Variants in SORCS1 observed in about 807,000 individuals in gnomAD.
The protein encoded by SORCS1 is VPS10 domain-containing receptor SorCS1.
A neutral mutation model predicts 146.1 loss-of-function variants in SORCS1; 60 were observed. That is an observed-to-expected ratio of 0.41 (90% CI 0.33 to 0.51). SORCS1 has a LOEUF of 0.51. Ranked by LOEUF, SORCS1 falls within the 20% of genes least tolerant of loss-of-function variation. The pLI is 0.21. For missense variants in SORCS1, 1,352 were observed against 1,487.6 expected (o/e 0.91, Z 1.50); for synonymous variants, 637 against 584.0 (o/e 1.09, Z -1.31).
At chr10:106,964,844 C>T (rs1273127731) in intron 1 of SORCS1, among the ~76,000 whole-genome samples, 1 of 151,186 alleles carries the variant, frequency 6.6e-6, no homozygotes, top group Non-Finnish European at 1.5e-5. Flanking sequence ...TAACTCCTGG[C>T]CTGAAATGAT....
chr10:106,955,672 T>C (rs545067593), intron 2 of SORCS1, among the ~76,000 whole-genome samples: 2 of 152,200 alleles, frequency 1.3e-5, no homozygotes, highest in Admixed American at 1.3e-4. Flanking sequence ...AGGACCACCA[T>C]GGAAGGGAAG....
chr10:106,648,051 T>G (rs1471423369), intron 18 of SORCS1, among the ~76,000 whole-genome samples: 1 of 152,076 alleles, frequency 6.6e-6, no homozygotes, highest in Admixed American at 6.5e-5. Flanking sequence ...TAATTATTTT[T>G]ATTTTTTTGG....
intron 1 of SORCS1, among the ~76,000 whole-genome samples, chr10:107,077,441 T>C (rs1962983715): frequency 6.6e-6 from 1 of 151,852 alleles, no homozygotes; most frequent in Non-Finnish European, 1.5e-5. Context: ...TTCATAAATG[T>C]AAAGGCATAA....
At chr10:106,910,996 C>T (rs533996594) in intron 2 of SORCS1, among the ~76,000 whole-genome samples, 1 of 152,296 alleles carries the variant, frequency 6.6e-6, no homozygotes, top group East Asian at 1.9e-4. Context: ...ACTTGAATTA[C>T]TATCCCATCT....
chr10:106,769,108 T>C (rs1041826323), intron 4 of SORCS1, among the ~76,000 whole-genome samples: 1 of 152,202 alleles, frequency 6.6e-6, no homozygotes, highest in Admixed American at 6.5e-5. Context: ...CTTTATTAAG[T>C]AGTCAATATT....
the SORCS1 span, among the ~76,000 whole-genome samples, chr10:107,175,921 T>G: frequency 6.6e-6 from 1 of 152,212 alleles, no homozygotes; most frequent in South Asian, 2.1e-4. Flanking sequence ...AATTTTTGTT[T>G]TCTTTCATTG....
chr10:107,140,137 T>C (rs1008604095), intron 1 of SORCS1, among the ~76,000 whole-genome samples: 4 of 152,238 alleles, frequency 2.6e-5, no homozygotes, highest in Non-Finnish European at 5.9e-5. Flanking sequence ...TGTTTTTCTG[T>C]TATCTACCAT....
intron 17 of SORCS1, among the ~76,000 whole-genome samples, chr10:106,665,335 T>A (rs1851044135): frequency 1.3e-5 from 2 of 151,824 alleles, no homozygotes; most frequent in African/African-American, 4.8e-5. Context: ...GTAAGGTTCC[T>A]ATCTCCTTAC....
intron 2 of SORCS1, among the ~76,000 whole-genome samples, chr10:106,925,342 A>C (rs1029562499): frequency 6.6e-6 from 1 of 152,160 alleles, no homozygotes; most frequent in Admixed American, 6.5e-5. Context: ...CACAAGGTAT[A>C]GCATTCACTC....
chr10:107,043,913 G>A (rs771822512), intron 1 of SORCS1, among the ~76,000 whole-genome samples: 4 of 152,136 alleles, frequency 2.6e-5, no homozygotes, highest in Admixed American at 6.5e-5. Flanking sequence ...CTCACTTCAC[G>A]TCTAGGTTTT....
intron 21 of SORCS1, among the ~76,000 whole-genome samples, chr10:106,615,474 G>C (rs550254790): frequency 2.0e-5 from 3 of 152,190 alleles, no homozygotes; most frequent in Non-Finnish European, 2.9e-5. Flanking sequence ...GTTTAACTTT[G>C]CCTGCTCCAA....
chr10:106,835,124 C>T (rs184652301), intron 2 of SORCS1, among the ~76,000 whole-genome samples: 9 of 152,182 alleles, frequency 5.9e-5, no homozygotes, highest in South Asian at 2.1e-4. Context: ...GCATCCCACC[C>T]GCCTTCCAAG....
rs187954989 is a variant in SORCS1, at chr10:106,905,424, A to G, written c.626+51089T>C. Among the ~76,000 whole-genome samples the G allele has an allele frequency of 1.4e-3, 219 of 152,346 alleles. 1 individual carries two copies. The highest frequency in any genetic ancestry group is 4.8e-3 in the African/African-American group (201 of 41,582). ...AAAAGATATTGCCAAAATATAATAA[A>G]GAAAAATTTTTAAATGTTACCAGAA... On this transcript the variant is annotated intron_variant, in intron 2 of 25. Coordinates refer to ENST00000263054, the MANE Select transcript of SORCS1 (RefSeq NM_052918.5).
chr10:106,645,739 T>G (rs1354171838), intron 18 of SORCS1, among the ~76,000 whole-genome samples: 1 of 151,978 alleles, frequency 6.6e-6, no homozygotes, highest in Non-Finnish European at 1.5e-5. Flanking sequence ...ATAATAAAAA[T>G]AATAAAAAAC....
At chr10:107,027,091 CAT>C (rs148866843) in intron 1 of SORCS1, among the ~76,000 whole-genome samples, 7 of 145,302 alleles carry the variant, frequency 4.8e-5, no homozygotes, top group African/African-American at 1.3e-4. Context: ...CATATATATA[CAT>C]ATATATATGT....
intron 1 of SORCS1, among the ~76,000 whole-genome samples, chr10:107,044,674 T>G (rs1213734046): frequency 1.3e-5 from 2 of 151,532 alleles, no homozygotes; most frequent in Admixed American, 6.6e-5. Context: ...ATACAAAAAA[T>G]TAGCCGGGTG....
intron 17 of SORCS1, among the ~76,000 whole-genome samples, chr10:106,654,788 A>G (rs1179975267): frequency 1.3e-5 from 2 of 152,218 alleles, no homozygotes; most frequent in African/African-American, 2.4e-5. Context: ...CGCTCCAGAC[A>G]TAAGATAACT....
At chr10:106,723,092 A>C (rs1387593908) in intron 6 of SORCS1, among the ~76,000 whole-genome samples, 1 of 152,182 alleles carries the variant, frequency 6.6e-6, no homozygotes. Flanking sequence ...TGGTCAAGGC[A>C]GGAGGATCGC....
chr10:106,579,963 A>G (rs1185078663), intron 24 of SORCS1, among the ~76,000 whole-genome samples: 1 of 151,744 alleles, frequency 6.6e-6, no homozygotes, highest in Non-Finnish European at 1.5e-5. Flanking sequence ...TATAATAATT[A>G]TATTTTATTA....
Sources: gnomAD v4.1 joint callset for allele counts (sites outside exome capture counted in the v4.1 genomes callset) on GRCh38, gnomAD v4.1.1 for gene constraint, MANE v1.5 for transcripts, NCBI Gene and HGNC (gene_info 2026-07-23, HGNC 2026-07-21) for gene names.